The following GALNT18 variants were observed in gnomAD, a reference collection of about 807,000 sequenced individuals.
GALNT18 encodes the protein GalNAc-transferase 18.
In GALNT18, 44 loss-of-function variants were observed where a neutral mutation model predicts 69.5. That is an observed-to-expected ratio of 0.63 (90% confidence interval 0.50 to 0.81). GALNT18 has a LOEUF of 0.81. GALNT18 is among the 40% of genes least tolerant of loss of function. The pLI is 0.00. For synonymous variants in GALNT18, 364 were observed against 318.2 expected, an observed-to-expected ratio of 1.14 and a Z score of -1.53; for missense variants, 715 against 810.0, an observed-to-expected ratio of 0.88 and a Z score of 1.42.
At position 11,293,533 on chromosome 11, in the gene GALNT18, CTTTTTT is replaced by C. The variant is rs34166465; in HGVS notation, c.1513-346_1513-341del. Among the ~76,000 whole-genome samples, 318 of 80,194 alleles carry C rather than the reference CTTTTTT, an allele frequency of 4.0e-3. 1 individual carries two copies. Among genetic ancestry groups the C allele is most frequent in the African/African-American group, 0.013 (250 of 19,976 alleles). The allele number at this position is 80,194 out of a possible 152,430, so 52.6% of individuals were successfully genotyped here. A position where few individuals can be genotyped will look rare whatever the true frequency, so the allele number is the denominator to read the frequency against. ...TTCTTCACCCAGTTTACAAACCCCT[CTTTTTT>C]TTTTTTTTTTTTTTTTTTGGAGACA... On this transcript the variant is annotated intron_variant, in intron 9 of 10. Transcript: ENST00000227756.
chr11:11,420,101 G>T (rs550678253), intron 3 of GALNT18, among the ~76,000 whole-genome samples: 1 of 151,572 alleles, frequency 6.6e-6, no homozygotes, highest in African/African-American at 2.4e-5. Flanking sequence ...CCTGAGAGTC[G>T]ATTAGGACTC....
chr11:11,378,333 G>T (rs1853824627), intron 4 of GALNT18, among the ~76,000 whole-genome samples: 1 of 152,170 alleles, frequency 6.6e-6, no homozygotes, highest in Non-Finnish European at 1.5e-5. Flanking sequence ...ATTGATAAAA[G>T]GGTGGCCACC....
intron 10 of GALNT18, among the ~76,000 whole-genome samples, chr11:11,281,384 C>T (rs941532683): frequency 3.9e-5 from 6 of 152,146 alleles, no homozygotes; most frequent in Non-Finnish European, 5.9e-5. Context: ...AGCTATAAAC[C>T]GTACGGATCG....
rs1217616574 is a variant in GALNT18, at chr11:11,337,764, T to C, written c.1278+3055A>G. 6.6e-6 allele frequency among the ~76,000 whole-genome samples: 1 copy of C among 152,040 alleles called. No homozygotes were observed. Among genetic ancestry groups the C allele is most frequent in the African/African-American group, 2.4e-5 (1 of 41,388 alleles). On this transcript the variant is annotated intron_variant, in intron 7 of 10. Coordinates refer to ENST00000227756, the MANE Select transcript of GALNT18 (RefSeq NM_198516.3). This position sits in a 1 kb window ranked among gnomAD's most constrained non-coding sequence, Gnocchi z 4.9. ...CCGAGGTGTGAGAAACAGCATGGCA[T>C]GGACGGTATGTAATGGGCAGTTCCC...
rs748526553 is a variant in GALNT18, at chr11:11,461,704, C to T, written c.236-12768G>A. Among the ~76,000 whole-genome samples, 5 of 152,176 alleles carry T rather than the reference C, an allele frequency of 3.3e-5. No individual in the cohort carries two copies. Among genetic ancestry groups the T allele is most frequent in the Non-Finnish European group, 7.3e-5 (5 of 68,036 alleles). ...GAATGAACAAGCCGGACCAACCCTGCTAATGTTAAAGAGGCATGCTTCCCT... is the reference window on the plus strand; with the variant it reads ...GAATGAACAAGCCGGACCAACCCTGTTAATGTTAAAGAGGCATGCTTCCCT... On this transcript the variant is annotated intron_variant, in intron 1 of 10. Coordinates refer to ENST00000227756, the MANE Select transcript of GALNT18 (RefSeq NM_198516.3). This position sits in a 1 kb window ranked among gnomAD's most constrained non-coding sequence, Gnocchi z 4.1.
In GALNT18 at chr11:11,591,432, C is replaced by T. The variant is rs1170998751; in HGVS notation, c.235+29927G>A. Among the ~76,000 whole-genome samples, 3 of 152,106 alleles carry T rather than the reference C, an allele frequency of 2.0e-5. No individual in the cohort carries two copies. Among genetic ancestry groups the T allele is most frequent in the African/African-American group, 4.8e-5 (2 of 41,408 alleles). Reference sequence around the variant, plus strand: ...TGACTTTACTGGATGAGCCTCACTGCGTTCCTTCTCATCCATGTTTCTCAG... The same window carrying T: ...TGACTTTACTGGATGAGCCTCACTGTGTTCCTTCTCATCCATGTTTCTCAG... On this transcript the variant is annotated intron_variant, in intron 1 of 10. Coordinates refer to ENST00000227756, the MANE Select transcript of GALNT18 (RefSeq NM_198516.3). The surrounding 1 kb of genome is among the most constrained non-coding windows in gnomAD (Gnocchi z 4.8).
Position 11,396,353 on chromosome 11 carries a change from A to T in GALNT18, c.596-17089T>A, listed in dbSNP as rs75221474. Among the ~76,000 whole-genome samples, 3,688 of 152,262 alleles carry T rather than the reference A, an allele frequency of 0.024. 147 individuals are homozygous for T. Among genetic ancestry groups the T allele is most frequent in the African/African-American group, 0.082 (3,413 of 41,534 alleles). Reference sequence around the variant, plus strand: ...GAGGTGAGGAAGAGAGAGTTTGCTTAGAGATTAAATGATGTCATCAGCAGT... The same window carrying T: ...GAGGTGAGGAAGAGAGAGTTTGCTTTGAGATTAAATGATGTCATCAGCAGT... On this transcript the variant is annotated intron_variant, in intron 3 of 10. Transcript: ENST00000227756. The surrounding 1 kb of genome is among the most constrained non-coding windows in gnomAD (Gnocchi z 5.2).
chr11:11,519,791 C>T (rs1229794532), intron 1 of GALNT18, among the ~76,000 whole-genome samples: 4 of 152,216 alleles, frequency 2.6e-5, no homozygotes, highest in Non-Finnish European at 5.9e-5. Context: ...AGACTGCAAG[C>T]AGGAAAACCT....
At chr11:11,473,672 G>T (rs548248030) in intron 1 of GALNT18, among the ~76,000 whole-genome samples, 1 of 152,156 alleles carries the variant, frequency 6.6e-6, no homozygotes, top group African/African-American at 2.4e-5. Context: ...ATGCACACAG[G>T]GGGAGAGAGA....
intron 3 of GALNT18, among the ~76,000 whole-genome samples, chr11:11,403,823 C>T (rs1030191639): frequency 7.2e-5 from 11 of 152,358 alleles, no homozygotes; most frequent in African/African-American, 2.6e-4. Flanking sequence ...GGTCTGTGGG[C>T]TGTAGGACAC....
intron 7 of GALNT18, among the ~76,000 whole-genome samples, chr11:11,335,215 G>A (rs1850091217): frequency 6.6e-6 from 1 of 152,182 alleles, no homozygotes. Flanking sequence ...ATACGATCGA[G>A]TAAAAGATGA....
rs906597441 is a variant in GALNT18, at chr11:11,439,911, A to C, written c.429-7124T>G. On this transcript the variant is annotated intron_variant, in intron 2 of 10. Transcript: ENST00000227756. The surrounding 1 kb of genome is among the most constrained non-coding windows in gnomAD (Gnocchi z 4.4). ...TGATGGAGGCAGGGTGGGGATACTA[A>C]ATATATCCAGGACTTCAGAGATTTG... 6.6e-6 allele frequency among the ~76,000 whole-genome samples: 1 copy of C among 152,222 alleles called. No individual in the cohort carries two copies. The highest frequency in any genetic ancestry group is 1.5e-5 in the Non-Finnish European group (1 of 68,046).
chr11:11,609,606 C>A (rs1434142794), intron 1 of GALNT18, among the ~76,000 whole-genome samples: 1 of 152,196 alleles, frequency 6.6e-6, no homozygotes, highest in Non-Finnish European at 1.5e-5. Flanking sequence ...CAGCGGTACA[C>A]CCCAGGTCAC....
At chr11:11,353,692 T>G (rs1470332781) in intron 6 of GALNT18, among the ~76,000 whole-genome samples, 3 of 152,164 alleles carry the variant, frequency 2.0e-5, no homozygotes, top group Non-Finnish European at 2.9e-5. Context: ...TGGCCGTCCA[T>G]ACCAGATGCC....
Position 11,494,333 on chromosome 11 carries a change from A to G in GALNT18, c.236-45397T>C, listed in dbSNP as rs1856829481. Among the ~76,000 whole-genome samples, 4 of 152,164 alleles carry G rather than the reference A, an allele frequency of 2.6e-5. No individual in the cohort carries two copies. The South Asian group carries it at 8.3e-4, about 32-fold the overall frequency. ...CTTTCCCCAGTGCTTCCTGTCTAGGATCCCATGTGACCCTGAGAGCCTGCT... is the reference window on the plus strand; with the variant it reads ...CTTTCCCCAGTGCTTCCTGTCTAGGGTCCCATGTGACCCTGAGAGCCTGCT... On this transcript the variant is annotated intron_variant, in intron 1 of 10. Transcript: ENST00000227756. The surrounding 1 kb of genome is among the most constrained non-coding windows in gnomAD (Gnocchi z 5.7).
intron 10 of GALNT18, among the ~76,000 whole-genome samples, chr11:11,281,083 G>T (rs967515404): frequency 1.3e-5 from 2 of 152,176 alleles, no homozygotes; most frequent in African/African-American, 4.8e-5. Flanking sequence ...CCGCAGTCCT[G>T]CCAGCCCAGT....
rs1854124183 is a variant in GALNT18, at chr11:11,389,203, A to G, written c.596-9939T>C. Among the ~76,000 whole-genome samples the G allele has an allele frequency of 6.6e-6, 1 of 152,222 alleles. No individual in the cohort carries two copies. Among genetic ancestry groups the G allele is most frequent in the South Asian group, 2.1e-4 (1 of 4,836 alleles). On this transcript the variant is annotated intron_variant, in intron 3 of 10. Coordinates refer to ENST00000227756, the MANE Select transcript of GALNT18 (RefSeq NM_198516.3). The surrounding 1 kb of genome is among the most constrained non-coding windows in gnomAD (Gnocchi z 4.3). ...GAAGGTAAGGAAGGAGCAGGATTCG[A>G]ACTCAGGCCTGCTTGCCTCTGAAGA...
At chr11:11,386,780 T>G (rs1046802056) in intron 3 of GALNT18, among the ~76,000 whole-genome samples, 8 of 152,176 alleles carry the variant, frequency 5.3e-5, no homozygotes, top group African/African-American at 1.9e-4. Context: ...TAGCAAGTGG[T>G]GAAGATAGGA....
rs539211572 is a variant in GALNT18 at position 11,433,446 on chromosome 11, C to T, written c.429-659G>A. 1.6e-4 allele frequency among the ~76,000 whole-genome samples: 24 copies of T among 152,358 alleles called. No individual in the cohort carries two copies. The South Asian group carries it at 5.0e-3, about 32-fold the overall frequency. Reference sequence around the variant, plus strand: ...AAAGAGGTTGAGTTCCCACCTATGGCTGCACTCTGAGTCAGCTACCATGAC... The same window carrying T: ...AAAGAGGTTGAGTTCCCACCTATGGTTGCACTCTGAGTCAGCTACCATGAC... On this transcript the variant is annotated intron_variant, in intron 2 of 10. Transcript: ENST00000227756.
Sources: gnomAD v4.1 joint callset for allele counts (sites outside exome capture counted in the v4.1 genomes callset) on GRCh38, gnomAD v4.1.1 for gene constraint, Gnocchi (gnomAD v3.1) non-coding constraint, MANE v1.5 for transcripts, NCBI Gene and HGNC (gene_info 2026-07-23, HGNC 2026-07-21) for gene names.